FRY: variants seen among roughly 807,000 people sequenced by gnomAD.
FRY encodes the protein FRY microtubule binding protein, also known as protein furry homolog.
FRY carries 128 observed loss-of-function variants against 348.4 expected under a neutral mutation model. The observed-to-expected ratio is 0.37, with a 90% CI of 0.32 to 0.43. The LOEUF is 0.43. FRY is among the 20% of genes least tolerant of loss of function. FRY has a pLI of 1.00. For missense variants in FRY, 2,736 were observed against 3,695.2 expected (o/e 0.74, Z 6.73); for synonymous variants, 1,370 against 1,374.7 (o/e 1.00, Z 0.08).
chr13:32,103,591 G>A (rs2138639490), intron 3 of FRY, among the ~76,000 whole-genome samples: 1 of 152,164 alleles, frequency 6.6e-6, no homozygotes, highest in Middle Eastern at 3.4e-3. Context: ...CACCAACATG[G>A]CACATGTGTA....
chr13:32,226,886 C>G lies in FRY; in HGVS notation c.5206+912C>G, dbSNP rs566617910. Among the ~76,000 whole-genome samples, 18 of 152,344 alleles carry G rather than the reference C, an allele frequency of 1.2e-4. No individual in the cohort carries two copies. In the South Asian group the frequency reaches 3.5e-3, roughly 30 times the overall value. On this transcript the variant is annotated intron_variant, in intron 39 of 60. Coordinates refer to ENST00000542859, the MANE Select transcript of FRY (RefSeq NM_023037.3). ...TACTGACCTCAATTTAAGCACTTCA[C>G]TTTGAACCAAGCTACACTTAATTGA...
intron 2 of FRY, among the ~76,000 whole-genome samples, chr13:32,087,453 G>C (rs1426062434): frequency 1.3e-5 from 2 of 152,218 alleles, no homozygotes; most frequent in African/African-American, 4.8e-5. Flanking sequence ...ACGCTGTGCT[G>C]TAATAAGGAC....
intron 60 of FRY, 89 bp downstream of exon 60, chr13:32,294,659 A>C (rs1279580394): frequency 1.0e-6 from 1 of 976,804 alleles, no homozygotes; most frequent in African/African-American, 1.6e-5. Context: ...CCACTACGGA[A>C]GGCTAGATAT....
chr13:32,217,646 G>A (rs1885072182), intron 35 of FRY, among the ~76,000 whole-genome samples: 1 of 152,160 alleles, frequency 6.6e-6, no homozygotes, highest in African/African-American at 2.4e-5. Flanking sequence ...TCCACGCAGG[G>A]AGTTGGCATG....
intron 1 of FRY, among the ~76,000 whole-genome samples, chr13:32,076,161 T>C (rs1208640337): frequency 6.6e-6 from 1 of 152,158 alleles, no homozygotes; most frequent in African/African-American, 2.4e-5. Context: ...CTCATGAAAA[T>C]GTTTTCACTG....
At chr13:32,293,033 C>T (rs1889454199) in intron 59 of FRY, among the ~76,000 whole-genome samples, 1 of 151,968 alleles carries the variant, frequency 6.6e-6, no homozygotes, top group African/African-American at 2.4e-5. Context: ...TATTTTTAGA[C>T]TTAGTGTATT....
chr13:32,187,736 T>C (rs1396344759), intron 28 of FRY, 80 bp downstream of exon 28: 1 of 790,138 alleles, frequency 1.3e-6, no homozygotes, highest in South Asian at 1.4e-5. Flanking sequence ...GTGTAAGCAT[T>C]GTTCACAATA....
At chr13:32,179,605 TC>T in intron 22 of FRY, 69 bp from the exon 23 acceptor site, 4 of 1,529,236 alleles carry the variant, frequency 2.6e-6, no homozygotes, top group Non-Finnish European at 2.7e-6. Context: ...TATAATGGGA[TC>T]ATCCTTTGAT....
At chr13:32,198,943 G>A (rs1000283619) in intron 29 of FRY, among the ~76,000 whole-genome samples, 3 of 152,164 alleles carry the variant, frequency 2.0e-5, no homozygotes, top group Non-Finnish European at 2.9e-5. Context: ...TTTTTCTAAA[G>A]AAAGGCCAGC....
chr13:32,293,284 A>T (rs1193561187), intron 59 of FRY, among the ~76,000 whole-genome samples: 1 of 152,240 alleles, frequency 6.6e-6, no homozygotes, highest in Non-Finnish European at 1.5e-5. Flanking sequence ...TTTGCTTTCA[A>T]ATTTAAAACT....
intron 48 of FRY, among the ~76,000 whole-genome samples, chr13:32,248,929 C>T (rs1886936841): frequency 6.6e-6 from 1 of 152,126 alleles, no homozygotes; most frequent in South Asian, 2.1e-4. Flanking sequence ...CTGCCACTGC[C>T]GAGGTCAAGC....
chr13:32,054,521 A>G (rs1873516032), intron 1 of FRY, among the ~76,000 whole-genome samples: 1 of 152,146 alleles, frequency 6.6e-6, no homozygotes, highest in Non-Finnish European at 1.5e-5. Flanking sequence ...GATTTCTGAC[A>G]CCTATTTGGG....
At chr13:32,031,984 C>A (rs551736657) in intron 1 of FRY, 119 bp downstream of exon 1, 34 of 585,578 alleles carry the variant, frequency 5.8e-5, no homozygotes, top group Non-Finnish European at 8.9e-5. Context: ...TTCTTTTTTT[C>A]TTTTCTTTTC....
At chr13:32,108,896 G>C (rs77236336) in intron 3 of FRY, among the ~76,000 whole-genome samples, 3,317 of 152,250 alleles carry the variant, frequency 0.022, 58 homozygotes, top group Non-Finnish European at 0.033. Context: ...AGTTAAAAAA[G>C]AGATCAGGCG....
intron 18 of FRY, among the ~76,000 whole-genome samples, chr13:32,173,011 G>C (rs1253445939): frequency 6.6e-6 from 1 of 152,192 alleles, no homozygotes. Flanking sequence ...AAAAGTCTAT[G>C]GAGAATTTAA....
intron 4 of FRY, among the ~76,000 whole-genome samples, chr13:32,122,368 G>C (rs568865605): frequency 6.6e-6 from 1 of 151,744 alleles, no homozygotes; most frequent in Non-Finnish European, 1.5e-5. Flanking sequence ...GTGTGAACCC[G>C]GGAGGCGGAG....
intron 11 of FRY, among the ~76,000 whole-genome samples, chr13:32,143,365 A>C (rs1438618057): frequency 6.6e-6 from 1 of 152,238 alleles, no homozygotes; most frequent in Non-Finnish European, 1.5e-5. Flanking sequence ...CAGACAAAAC[A>C]AACTAAAACC....
intron 1 of FRY, among the ~76,000 whole-genome samples, chr13:32,036,434 A>G (rs1490158811): frequency 1.3e-5 from 2 of 152,168 alleles, no homozygotes; most frequent in Non-Finnish European, 2.9e-5. Context: ...CAAAATAGAA[A>G]GGATCTATCC....
At position 32,297,868 on chromosome 13, in the gene FRY, A is replaced by G. The variant is rs1247028528; in HGVS notation, c.*2408A>G. 2 of 152,250 alleles carry G rather than the reference A, an allele frequency of 1.3e-5. No individual in the cohort carries two copies. Among genetic ancestry groups the G allele is most frequent in the Non-Finnish European group, 2.9e-5 (2 of 68,046 alleles). The allele number at this position is 152,250 out of a possible 1,614,324, so 9.4% of individuals were successfully genotyped here. A position where few individuals can be genotyped will look rare whatever the true frequency, so the allele number is the denominator to read the frequency against. On this transcript the variant is annotated 3_prime_UTR_variant, in exon 61 of 61. Coordinates refer to ENST00000542859, the MANE Select transcript of FRY (RefSeq NM_023037.3). ...TTAACAGATGCCTCAGTGATAAGAA[A>G]GATGCCTCCTTGTGTCTCACTGTTT... is the stretch of plus-strand genomic sequence containing the variant.
Sources: allele counts gnomAD v4.1 joint callset (sites outside exome capture counted in the v4.1 genomes callset), GRCh38; gene constraint gnomAD v4.1.1; transcripts MANE v1.5; gene names NCBI Gene and HGNC (gene_info 2026-07-23, HGNC 2026-07-21).